TASP1: variants seen among roughly 807,000 people sequenced by gnomAD.
TASP1 encodes the protein threonine aspartase 1.
A neutral mutation model predicts 56.6 loss-of-function variants in TASP1; 16 were observed. The observed-to-expected ratio is 0.28, with a 90% CI of 0.19 to 0.43. The LOEUF is 0.43. TASP1 is among the 20% of genes least tolerant of loss of function. The pLI is 1.00. For synonymous variants in TASP1, 179 were observed against 184.2 expected (o/e 0.97, Z 0.23); for missense variants, 393 against 511.6 (o/e 0.77, Z 2.24).
At chr20:13,322,758 A>G in the TASP1 span, among the ~76,000 whole-genome samples, 54 of 152,222 alleles carry the variant, frequency 3.5e-4, no homozygotes, top group African/African-American at 1.3e-3. Context: ...ATCTAATCAG[A>G]CAGTCTACTC....
At chr20:13,457,226 A>C (rs920332775) in intron 11 of TASP1, among the ~76,000 whole-genome samples, 1 of 152,132 alleles carries the variant, frequency 6.6e-6, no homozygotes, top group Non-Finnish European at 1.5e-5. Flanking sequence ...CCTGTGTATC[A>C]AACCTGCACG....
the TASP1 span, among the ~76,000 whole-genome samples, chr20:13,348,853 C>A: frequency 1.3e-5 from 2 of 152,110 alleles, no homozygotes; most frequent in Non-Finnish European, 2.9e-5. Flanking sequence ...TATTCTTATT[C>A]CTTAGTACAG....
chr20:13,210,616 C>CGTGTGTGT, the TASP1 span, among the ~76,000 whole-genome samples: 2,084 of 147,494 alleles, frequency 0.014, 31 homozygotes, highest in African/African-American at 0.026. Flanking sequence ...CATGTGCACA[C>CGTGTGTGT]GTGTGTGTGT....
chr20:13,188,481 G>A, the TASP1 span, among the ~76,000 whole-genome samples: 95 of 152,062 alleles, frequency 6.2e-4, no homozygotes, highest in Non-Finnish European at 1.2e-3. Flanking sequence ...TAACCAAAGA[G>A]GTGAAATATC....
At chr20:13,607,540 C>T (rs1170494730) in intron 4 of TASP1, among the ~76,000 whole-genome samples, 1 of 152,142 alleles carries the variant, frequency 6.6e-6, no homozygotes, top group Non-Finnish European at 1.5e-5. Context: ...TAGACTGGCA[C>T]ATTATAAAAT....
intron 11 of TASP1, among the ~76,000 whole-genome samples, chr20:13,452,091 C>T (rs2043643002): frequency 6.6e-6 from 1 of 152,048 alleles, no homozygotes; most frequent in South Asian, 2.1e-4. Context: ...CACCCCAAAA[C>T]ATTACCATAG....
the TASP1 span, among the ~76,000 whole-genome samples, chr20:13,176,998 G>A: frequency 6.6e-6 from 1 of 152,134 alleles, no homozygotes; most frequent in Admixed American, 6.6e-5. Flanking sequence ...CCAGCACTTT[G>A]GGAGGCTGAG....
At chr20:13,617,506 G>A (rs562599644) in intron 4 of TASP1, among the ~76,000 whole-genome samples, 4 of 152,124 alleles carry the variant, frequency 2.6e-5, no homozygotes, top group East Asian at 1.9e-4. Context: ...GAGCACTTAC[G>A]TAAATGTGAG....
chr20:13,562,097 C>T (rs1042427802), intron 7 of TASP1, among the ~76,000 whole-genome samples: 4 of 152,258 alleles, frequency 2.6e-5, no homozygotes, highest in East Asian at 1.9e-4. Context: ...AATGTATCTT[C>T]TCCAACTACA....
the TASP1 span, among the ~76,000 whole-genome samples, chr20:13,294,938 G>A: frequency 6.6e-6 from 1 of 152,178 alleles, no homozygotes; most frequent in South Asian, 2.1e-4. Context: ...ATCCCAGGCT[G>A]TTTAGCATGC....
intron 10 of TASP1, among the ~76,000 whole-genome samples, chr20:13,485,079 T>C (rs1218670469): frequency 6.6e-6 from 1 of 152,104 alleles, no homozygotes; most frequent in Admixed American, 6.5e-5. Flanking sequence ...TGTATACCTA[T>C]GTAACAAAAC....
chr20:13,517,742 C>T (rs1301886899), intron 10 of TASP1, among the ~76,000 whole-genome samples: 1 of 152,096 alleles, frequency 6.6e-6, no homozygotes, highest in Non-Finnish European at 1.5e-5. Flanking sequence ...CTTAGAAAAT[C>T]ATCTGGCATA....
At chr20:13,221,720 T>C in the TASP1 span, 39,375 of 1,322,310 alleles carry the variant, frequency 0.03, 682 homozygotes, top group Non-Finnish European at 0.034. Context: ...TCCCCCGGCG[T>C]CACCGCCGCC....
At chr20:13,406,926 A>G (rs995149678) in intron 13 of TASP1, among the ~76,000 whole-genome samples, 2 of 152,058 alleles carry the variant, frequency 1.3e-5, no homozygotes, top group Non-Finnish European at 2.9e-5. Context: ...TTGGCCTCCC[A>G]AAGTGCTGGG....
the TASP1 span, among the ~76,000 whole-genome samples, chr20:13,375,950 A>T: frequency 6.6e-6 from 1 of 151,856 alleles, no homozygotes; most frequent in African/African-American, 2.4e-5. Context: ...AATTTGTTTA[A>T]GTTCCTTGTA....
chr20:13,550,206 G>A (rs2147002345), intron 8 of TASP1, among the ~76,000 whole-genome samples: 1 of 147,744 alleles, frequency 6.8e-6, no homozygotes, highest in East Asian at 2.0e-4. Flanking sequence ...CAATTGTCCA[G>A]TCATCAAAGG....
Position 13,439,154 on chromosome 20 carries a change from G to A in TASP1, c.986-4000C>T, listed in dbSNP as rs1329099812. On this transcript the variant is annotated intron_variant, in intron 11 of 13. Transcript: ENST00000337743. ...CATTTGACCCAGCCAGCCCATTACT[G>A]GGTATACACCCAAAGGATTATAGAT... Among the ~76,000 whole-genome samples the A allele has an allele frequency of 2.6e-5, 4 of 152,154 alleles. No homozygotes were observed. In the East Asian group the frequency reaches 7.7e-4, roughly 29 times the overall value.
the TASP1 span, among the ~76,000 whole-genome samples, chr20:13,241,451 A>G: frequency 6.6e-6 from 1 of 151,950 alleles, no homozygotes; most frequent in Non-Finnish European, 1.5e-5. Flanking sequence ...AGAAATGAGG[A>G]GTGAATTCTT....
intron 7 of TASP1, 43 bp from the exon 8 acceptor site, chr20:13,559,157 A>C: frequency 7.8e-7 from 1 of 1,283,228 alleles, no homozygotes; most frequent in Non-Finnish European, 1.1e-6. Context: ...ACATTTAAGA[A>C]ATATTAGGGC....
Sources: allele counts gnomAD v4.1 joint callset (sites outside exome capture counted in the v4.1 genomes callset), GRCh38; gene constraint gnomAD v4.1.1; transcripts MANE v1.5; gene names NCBI Gene and HGNC (gene_info 2026-07-23, HGNC 2026-07-21).